The following NOL10 variants were observed in gnomAD, a reference collection of about 807,000 sequenced individuals.
NOL10 encodes nucleolar protein 10.
NOL10 carries 58 observed loss-of-function variants against 103.5 expected under a neutral mutation model. The ratio of observed to expected loss-of-function variants is 0.56; its 90% confidence interval spans 0.45 to 0.70. The LOEUF is 0.70. NOL10 is among the 30% of genes least tolerant of loss of function. The pLI is 0.00. For missense variants in NOL10, 763 were observed against 807.3 expected (o/e 0.95, Z 0.67); for synonymous variants, 287 against 282.5 (o/e 1.02, Z -0.16).
intron 13 of NOL10, among the ~76,000 whole-genome samples, chr2:10,617,253 T>C (rs914487165): frequency 2.0e-5 from 3 of 152,152 alleles, no homozygotes; most frequent in Non-Finnish European, 4.4e-5. Flanking sequence ...CTTGGCATGT[T>C]TGTGGATCAG....
At chr2:10,611,205 A>T (rs1021118464) in intron 13 of NOL10, among the ~76,000 whole-genome samples, 1 of 152,238 alleles carries the variant, frequency 6.6e-6, no homozygotes, top group Non-Finnish European at 1.5e-5. Flanking sequence ...AATGATAATC[A>T]TATCAACCAA....
chr2:10,634,551 A>C (rs1230156993), intron 13 of NOL10: 1 of 456,746 alleles, frequency 2.2e-6, no homozygotes, highest in Non-Finnish European at 4.4e-6. Flanking sequence ...TGTAGCTCAG[A>C]GGGAAGGCTG....
chr2:10,586,324 A>G (rs1285906845), intron 19 of NOL10, among the ~76,000 whole-genome samples: 1 of 151,858 alleles, frequency 6.6e-6, no homozygotes, highest in Non-Finnish European at 1.5e-5. Context: ...TGTATGCTAC[A>G]TTACTAACAA....
At chr2:10,581,480 C>T (rs565634102) in intron 19 of NOL10, among the ~76,000 whole-genome samples, 2 of 152,192 alleles carry the variant, frequency 1.3e-5, no homozygotes, top group South Asian at 4.1e-4. Flanking sequence ...GCCTACTGTA[C>T]GTACAAAGAA....
rs1481477641 is a variant in NOL10 at position 10,587,046 on chromosome 2, T to TATATATATACATATATATAC, written c.1844+1996_1844+1997insGTATATATATGTATATATAT. Among the ~76,000 whole-genome samples the TATATATATACATATATATAC allele has an allele frequency of 9.0e-5, 5 of 55,574 alleles. 1 individual carries two copies. The highest frequency in any genetic ancestry group is 2.1e-4 in the Non-Finnish European group (5 of 24,102). 36.5% of individuals were successfully genotyped at this position (55,574 alleles called of 152,430 possible). On this transcript the variant is annotated intron_variant, in intron 19 of 20. Coordinates refer to ENST00000381685, the MANE Select transcript of NOL10 (RefSeq NM_024894.4). ...TAAATAACACAAAAAGTTAAATGTA[T>TATATATATACATATATATAC]ATATATATACATATATATATACATA...
At chr2:10,605,228 TC>T (rs1200778546) in intron 14 of NOL10, among the ~76,000 whole-genome samples, 8 of 152,184 alleles carry the variant, frequency 5.3e-5, no homozygotes, top group Non-Finnish European at 8.8e-5. Context: ...ATCCACCCAG[TC>T]CTTTTTACAG....
At chr2:10,589,011 T>C (rs1675259305) in intron 19 of NOL10, 32 bp downstream of exon 19, 2 of 1,609,672 alleles carry the variant, frequency 1.2e-6, no homozygotes, top group South Asian at 1.1e-5. Context: ...CTTGGTTACA[T>C]GTCAACTGTG....
chr2:10,575,155 C>G (rs942708671), intron 20 of NOL10, among the ~76,000 whole-genome samples: 5 of 152,212 alleles, frequency 3.3e-5, no homozygotes, highest in Non-Finnish European at 7.3e-5. Flanking sequence ...TTTGTATCAG[C>G]AACAGTCTCA....
chr2:10,679,003 G>C (rs1681526819), intron 3 of NOL10, among the ~76,000 whole-genome samples: 1 of 152,066 alleles, frequency 6.6e-6, no homozygotes, highest in Non-Finnish European at 1.5e-5. Flanking sequence ...GCGGACAACT[G>C]CTTGAGTCCA....
At chr2:10,585,555 G>A (rs980852039) in intron 19 of NOL10, among the ~76,000 whole-genome samples, 4 of 152,172 alleles carry the variant, frequency 2.6e-5, no homozygotes, top group African/African-American at 4.8e-5. Flanking sequence ...ATTAACTGAC[G>A]AAGGGATATA....
At chr2:10,624,900 C>A (rs1431837663) in intron 13 of NOL10, among the ~76,000 whole-genome samples, 1 of 152,146 alleles carries the variant, frequency 6.6e-6, no homozygotes, top group Non-Finnish European at 1.5e-5. Context: ...AATGGACAGA[C>A]AAGCTGCAGT....
intron 10 of NOL10, 60 bp downstream of exon 10, chr2:10,659,112 C>T: frequency 9.2e-7 from 1 of 1,089,384 alleles, no homozygotes; most frequent in Admixed American, 2.0e-5. Flanking sequence ...TTTCTCATGA[C>T]ACATACACAC....
At chr2:10,581,411 A>AG (rs75324771) in intron 19 of NOL10, among the ~76,000 whole-genome samples, 90,163 of 152,074 alleles carry the variant, frequency 0.59, 27,770 homozygotes, top group African/African-American at 0.74. Context: ...CCATCGTCAG[A>AG]GAACAACATA....
chr2:10,662,896 A>G (rs1450540856), intron 9 of NOL10, 63 bp downstream of exon 9: 1 of 1,187,674 alleles, frequency 8.4e-7, no homozygotes, highest in African/African-American at 1.5e-5. Flanking sequence ...TGAATTTAAT[A>G]TAGACACATT....
chr2:10,611,647 G>A (rs190532621), intron 13 of NOL10, among the ~76,000 whole-genome samples: 33 of 152,166 alleles, frequency 2.2e-4, no homozygotes, highest in East Asian at 1.9e-3. Context: ...CAGGCACAGT[G>A]GCTCACACCT....
intron 13 of NOL10, among the ~76,000 whole-genome samples, chr2:10,626,978 T>C (rs1677510137): frequency 6.6e-6 from 1 of 152,230 alleles, no homozygotes; most frequent in Admixed American, 6.5e-5. Context: ...TTAATGCTTC[T>C]GTATGTCCGC....
At chr2:10,625,354 C>G (rs1009380859) in intron 13 of NOL10, among the ~76,000 whole-genome samples, 1 of 151,940 alleles carries the variant, frequency 6.6e-6, no homozygotes, top group African/African-American at 2.4e-5. Context: ...GGTGAGGGAG[C>G]GTGTGGGGGA....
intron 17 of NOL10, among the ~76,000 whole-genome samples, chr2:10,593,241 C>T (rs912740096): frequency 1.3e-5 from 2 of 151,592 alleles, no homozygotes; most frequent in East Asian, 3.9e-4. Flanking sequence ...CGGGTTCAAG[C>T]GATTCTCCTG....
intron 12 of NOL10, among the ~76,000 whole-genome samples, chr2:10,648,786 A>T (rs781049757): frequency 6.6e-5 from 10 of 152,158 alleles, no homozygotes; most frequent in African/African-American, 1.2e-4. Flanking sequence ...AATCACATAA[A>T]TCGAGGATGA....
Sources: gnomAD v4.1 joint callset for allele counts (sites outside exome capture counted in the v4.1 genomes callset) on GRCh38, gnomAD v4.1.1 for gene constraint, MANE v1.5 for transcripts, NCBI Gene and HGNC (gene_info 2026-07-23, HGNC 2026-07-21) for gene names.